Variants in HIVEP2 observed in about 807,000 individuals in gnomAD.
HIVEP2 encodes the protein HIVEP zinc finger 2.
A neutral mutation model predicts 180.7 loss-of-function variants in HIVEP2; 14 were observed. The observed-to-expected ratio is 0.08, with a 90% CI of 0.05 to 0.12. HIVEP2 has a LOEUF of 0.12. Among genes scored for constraint, HIVEP2 ranks in the 10% least tolerant of loss-of-function variants. The probability of loss-of-function intolerance (pLI) is 1.00; values close to 1 mark genes in which losing one functional copy is unlikely to be tolerated. For synonymous variants in HIVEP2, 1,184 were observed against 1,136.4 expected, an observed-to-expected ratio of 1.04 and a Z score of -0.84; for missense variants, 2,579 against 3,008.5, an observed-to-expected ratio of 0.86 and a Z score of 3.34.
intron 8 of HIVEP2, among the ~76,000 whole-genome samples, chr6:142,761,077 G>A (rs1406290884): frequency 1.3e-5 from 2 of 152,172 alleles, no homozygotes; most frequent in Non-Finnish European, 2.9e-5. Context: ...AATGATGTTT[G>A]TTTGCTAGTT....
Position 142,859,872 on chromosome 6 carries a change from A to G in HIVEP2, c.-640-22825T>C, listed in dbSNP as rs953126004. On this transcript the variant is annotated intron_variant, in intron 1 of 9. Transcript: ENST00000367603. ...AAAAAAAAGGAAAGAAAGAAAGAAA[A>G]AGAAAAAAAAGAAAAGAAAATGATA... Among the ~76,000 whole-genome samples, 37 of 151,312 alleles carry G rather than the reference A, an allele frequency of 2.4e-4. 1 individual carries two copies. Among genetic ancestry groups the G allele is most frequent in the African/African-American group, 5.6e-4 (23 of 41,208 alleles).
intron 1 of HIVEP2, among the ~76,000 whole-genome samples, chr6:142,926,892 G>A (rs1186446337): frequency 6.6e-6 from 1 of 152,072 alleles, no homozygotes; most frequent in African/African-American, 2.4e-5. Flanking sequence ...GAGGCCGAGA[G>A]CATTTCCTGT....
At chr6:142,882,458 T>A (rs911740038) in intron 1 of HIVEP2, among the ~76,000 whole-genome samples, 11 of 151,208 alleles carry the variant, frequency 7.3e-5, no homozygotes, top group Non-Finnish European at 3.0e-5. Flanking sequence ...AAAAAATAAA[T>A]AAATAAATAG....
intron 1 of HIVEP2, among the ~76,000 whole-genome samples, chr6:142,843,129 G>A (rs1775411481): frequency 6.6e-6 from 1 of 152,118 alleles, no homozygotes; most frequent in African/African-American, 2.4e-5. Context: ...AGTCACCAGG[G>A]GAGCTTGTTA....
intron 2 of HIVEP2, among the ~76,000 whole-genome samples, chr6:142,820,571 T>C (rs1777006615): frequency 6.6e-6 from 1 of 152,206 alleles, no homozygotes; most frequent in Admixed American, 6.5e-5. Context: ...GTTCATGAAT[T>C]CAAGTCTTAC....
Position 142,771,314 on chromosome 6 carries a change from G to A in HIVEP2, c.3425C>T (p.Pro1142Leu), listed in dbSNP as rs765918896. 1 of 1,613,322 alleles carries A rather than the reference G, an allele frequency of 6.2e-7. No individual in the cohort carries two copies. Among genetic ancestry groups the A allele is most frequent in the Non-Finnish European group, 8.5e-7 (1 of 1,180,020 alleles). Residue 1142 changes from proline to leucine, a missense_variant, in exon 5 of 10, where the codon CCT (proline) becomes CTT (leucine). Pro to Leu is a moderately conservative substitution (Grantham distance 98). Transcript: ENST00000367603. This position sits in a 1 kb window ranked among gnomAD's most constrained non-coding sequence, Gnocchi z 5.4. ...TGGCCCCGAGCTCAGCGGGGGACAA[G>A]GACCCGCCACCTGCTTCCCTGGGTC... ...QEDPGKQVAG[P>L]CPPLSSGPLH...
At chr6:142,873,647 A>T (rs528963432) in intron 1 of HIVEP2, among the ~76,000 whole-genome samples, 1 of 152,198 alleles carries the variant, frequency 6.6e-6, no homozygotes, top group South Asian at 2.1e-4. Flanking sequence ...CCATTTGCGT[A>T]TACTGAATCT....
intron 2 of HIVEP2, among the ~76,000 whole-genome samples, chr6:142,790,846 G>A (rs1776120331): frequency 6.6e-6 from 1 of 152,148 alleles, no homozygotes; most frequent in East Asian, 1.9e-4. Flanking sequence ...CCAAAGCAAT[G>A]AAAGCACAGC....
chr6:142,879,681 C>A (rs80117538), intron 1 of HIVEP2, among the ~76,000 whole-genome samples: 39 of 152,240 alleles, frequency 2.6e-4, no homozygotes, highest in African/African-American at 9.1e-4. Context: ...GGCCATCTGA[C>A]TTCAGCTGTC....
chr6:142,811,668 G>C (rs1200881461), intron 2 of HIVEP2, among the ~76,000 whole-genome samples: 1 of 152,196 alleles, frequency 6.6e-6, no homozygotes, highest in Non-Finnish European at 1.5e-5. Context: ...ATCATGGTAT[G>C]AGAATACTTC....
intron 1 of HIVEP2, among the ~76,000 whole-genome samples, chr6:142,874,486 A>C (rs1331783090): frequency 6.6e-6 from 1 of 152,154 alleles, no homozygotes; most frequent in Non-Finnish European, 1.5e-5. Flanking sequence ...CCCTTATTGA[A>C]TTATAAGGCA....
At chr6:142,888,044 C>T (rs1562279552) in intron 1 of HIVEP2, among the ~76,000 whole-genome samples, 1 of 151,752 alleles carries the variant, frequency 6.6e-6, no homozygotes, top group African/African-American at 2.4e-5. Context: ...AGTAAAATAC[C>T]ATGACAATAA....
intron 1 of HIVEP2, among the ~76,000 whole-genome samples, chr6:142,936,542 A>G (rs772736485): frequency 6.6e-6 from 1 of 152,180 alleles, no homozygotes; most frequent in Non-Finnish European, 1.5e-5. Context: ...ATGCTGAACC[A>G]TAAAAATGAA....
At chr6:142,832,611 G>A (rs1775118083) in intron 2 of HIVEP2, among the ~76,000 whole-genome samples, 1 of 152,184 alleles carries the variant, frequency 6.6e-6, no homozygotes, top group Non-Finnish European at 1.5e-5. Flanking sequence ...CAATTCATGG[G>A]TGAGACATCA....
At chr6:142,872,170 TTAG>T (rs1452828184) in intron 1 of HIVEP2, among the ~76,000 whole-genome samples, 2 of 152,132 alleles carry the variant, frequency 1.3e-5, no homozygotes, top group Non-Finnish European at 2.9e-5. Context: ...TTCCTTATCT[TTAG>T]TAGTTGGGGA....
Position 142,830,498 on chromosome 6 carries a change from G to A in HIVEP2, c.-528+6437C>T, listed in dbSNP as rs1775049472. ...TTCCTGAGGAGGTGAATTTGTGGGG[G>A]AATTTTGGCAGGGTGAAGGTTAAGA... On this transcript the variant is annotated intron_variant, in intron 2 of 9. Transcript: ENST00000367603. 8.5e-5 allele frequency among the ~76,000 whole-genome samples: 13 copies of A among 152,128 alleles called. No homozygotes were observed. In the South Asian group the frequency reaches 2.7e-3, roughly 32 times the overall value.
At chr6:142,902,293 A>G (rs1017434306) in intron 1 of HIVEP2, among the ~76,000 whole-genome samples, 9 of 151,562 alleles carry the variant, frequency 5.9e-5, no homozygotes, top group Non-Finnish European at 8.8e-5. Context: ...ATGTGATGAG[A>G]TGGGAACCTC....
chr6:142,753,647 T>A lies in HIVEP2; in HGVS notation c.6801A>T (p.Ser2267=). ...MEGFEEKKGA[S]GESFSKDPYV... ...AGGGGTCCTTGGAGAAGGACTCCCC[T>A]GACGCGCCTTTCTTCTCCTCAAAGC... The change falls in exon 10 of 10, where the codon TCA becomes TCT. Residue 2267 remains serine (S), a synonymous_variant. Coordinates refer to ENST00000367603, the MANE Select transcript of HIVEP2 (RefSeq NM_006734.4). The A allele has an allele frequency of 6.2e-7, 1 of 1,614,202 alleles. No individual in the cohort carries two copies. The highest frequency in any genetic ancestry group is 8.5e-7 in the Non-Finnish European group (1 of 1,180,028).
At chr6:142,856,918 C>G (rs886717855) in intron 1 of HIVEP2, among the ~76,000 whole-genome samples, 1 of 152,156 alleles carries the variant, frequency 6.6e-6, no homozygotes, top group African/African-American at 2.4e-5. Context: ...AGGTACAATG[C>G]AGATAAAGGG....
Sources: allele counts gnomAD v4.1 joint callset (sites outside exome capture counted in the v4.1 genomes callset), GRCh38; gene constraint gnomAD v4.1.1; non-coding constraint Gnocchi (gnomAD v3.1); transcripts MANE v1.5; gene names NCBI Gene and HGNC (gene_info 2026-07-23, HGNC 2026-07-21).